SPAG9: variants seen among roughly 807,000 people sequenced by gnomAD.
SPAG9 encodes sperm associated antigen 9, also known as C-Jun-amino-terminal kinase-interacting protein 4.
In SPAG9, 35 loss-of-function variants were observed where a neutral mutation model predicts 166.5. The observed-to-expected ratio is 0.21, with a 90% CI of 0.16 to 0.28. The LOEUF (loss-of-function observed/expected upper bound fraction) is 0.28. Ranked by LOEUF, SPAG9 falls within the 10% of genes least tolerant of loss-of-function variation. The pLI is 1.00. For missense variants in SPAG9, 1,235 were observed against 1,603.3 expected (o/e 0.77, Z 3.92); for synonymous variants, 534 against 565.5 (o/e 0.94, Z 0.79).
chr17:51,118,986 A>T (rs1031476656), intron 1 of SPAG9, among the ~76,000 whole-genome samples: 4 of 149,060 alleles, frequency 2.7e-5, no homozygotes, highest in Admixed American at 1.4e-4. Flanking sequence ...GTGAGCCAAG[A>T]TCACTCCACT....
rs1482584117 is a variant in SPAG9, at chr17:51,000,496, G to A, written c.1608-779C>T. On this transcript the variant is annotated intron_variant, in intron 13 of 29. Transcript: ENST00000262013. Reference sequence around the variant, plus strand: ...CACCTGTAATCCCAGCACTTTGGGAGGCCGAGGCGGGCGGATCACTTGAGG... The same window carrying A: ...CACCTGTAATCCCAGCACTTTGGGAAGCCGAGGCGGGCGGATCACTTGAGG... Among the ~76,000 whole-genome samples, 2 of 152,158 alleles carry A rather than the reference G, an allele frequency of 1.3e-5. 1 individual carries two copies. The highest frequency in any genetic ancestry group is 3.8e-4 in the East Asian group (2 of 5,196).
At chr17:50,970,183 T>C (rs1973673024) in intron 29 of SPAG9, among the ~76,000 whole-genome samples, 1 of 152,202 alleles carries the variant, frequency 6.6e-6, no homozygotes, top group South Asian at 2.1e-4. Flanking sequence ...CATCCTGCTA[T>C]TTCTAATGCT....
chr17:51,029,378 C>A (rs2046304765), intron 6 of SPAG9, among the ~76,000 whole-genome samples: 1 of 152,118 alleles, frequency 6.6e-6, no homozygotes. Context: ...TAAAATGATG[C>A]AACCACTCTG....
intron 20 of SPAG9, chr17:50,990,134 TCTC>T: frequency 1.9e-6 from 1 of 531,518 alleles, no homozygotes; most frequent in South Asian, 2.1e-5. Flanking sequence ...TTCACGCCAT[TCTC>T]CTGCCTCAGC....
Position 50,979,759 on chromosome 17 carries a change from T to C in SPAG9, c.3396A>G (p.Val1132=). 6.2e-7 allele frequency: 1 copy of C among 1,609,014 alleles called. No individual in the cohort carries two copies. Among genetic ancestry groups the C allele is most frequent in the Non-Finnish European group, 8.5e-7 (1 of 1,175,722 alleles). Residue 1132 remains valine, a synonymous_variant, in exon 26 of 30, where the codon GTA becomes GTG. Coordinates refer to ENST00000262013, the MANE Select transcript of SPAG9 (RefSeq NM_001130528.3). ...TTGGAAGCTTACCTAACATTTTGCTTACATAAGGCTCAATGTCCACATCCT... is the reference window on the plus strand; with the variant it reads ...TTGGAAGCTTACCTAACATTTTGCTCACATAAGGCTCAATGTCCACATCCT... The part of the protein sequence containing the change: ...HLQDVDIEPY[V]SKMLGTGKLG...
chr17:51,086,219 A>C (rs1372166698), intron 1 of SPAG9, among the ~76,000 whole-genome samples: 1 of 151,860 alleles, frequency 6.6e-6, no homozygotes, highest in African/African-American at 2.4e-5. Flanking sequence ...ACCTCAGGTG[A>C]TCTGCCTGCG....
At chr17:50,975,695 G>T (rs1402039613) in intron 27 of SPAG9, among the ~76,000 whole-genome samples, 1 of 151,778 alleles carries the variant, frequency 6.6e-6, no homozygotes, top group Non-Finnish European at 1.5e-5. Flanking sequence ...CAGTTTGGTG[G>T]CCATGTAACA....
At chr17:51,016,705 G>A (rs997734083) in intron 8 of SPAG9, among the ~76,000 whole-genome samples, 1 of 152,210 alleles carries the variant, frequency 6.6e-6, no homozygotes, top group African/African-American at 2.4e-5. Flanking sequence ...GGGAGTTTGA[G>A]ACCAGCCTGA....
intron 6 of SPAG9, among the ~76,000 whole-genome samples, chr17:51,027,893 A>G (rs968365289): frequency 6.6e-6 from 1 of 152,290 alleles, no homozygotes; most frequent in Non-Finnish European, 1.5e-5. Flanking sequence ...ACTCTAGAAG[A>G]AGGCACTGTC....
At chr17:51,107,744 T>TAA (rs35218447) in intron 1 of SPAG9, among the ~76,000 whole-genome samples, 4 of 138,276 alleles carry the variant, frequency 2.9e-5, no homozygotes, top group African/African-American at 1.1e-4. Flanking sequence ...AAAAAAAGGT[T>TAA]AAAAAAAAAA....
At chr17:51,047,655 A>G (rs2047064519) in intron 3 of SPAG9, among the ~76,000 whole-genome samples, 186 bp from the exon 4 acceptor site, 1 of 151,866 alleles carries the variant, frequency 6.6e-6, no homozygotes, top group South Asian at 2.1e-4. Flanking sequence ...GCTTACATTT[A>G]AGGATGCTGG....
At chr17:51,107,100 C>CAA (rs527593488) in intron 1 of SPAG9, among the ~76,000 whole-genome samples, 25 of 87,852 alleles carry the variant, frequency 2.8e-4, no homozygotes, top group African/African-American at 7.1e-4. Context: ...TGCTCCATCT[C>CAA]AAAAAAAAAA....
At chr17:51,096,363 A>AG (rs1555659920) in intron 1 of SPAG9, among the ~76,000 whole-genome samples, 4 of 151,898 alleles carry the variant, frequency 2.6e-5, no homozygotes, top group African/African-American at 9.7e-5. Context: ...AAAAACAAAA[A>AG]AAAGAAAGAA....
intron 27 of SPAG9, chr17:50,976,867 G>A (rs1247935944): frequency 1.6e-5 from 6 of 365,288 alleles, no homozygotes; most frequent in African/African-American, 4.3e-5. Context: ...AGATGAAATA[G>A]GACTGTGATT....
chr17:50,999,871 G>A (rs1309798382), intron 13 of SPAG9, among the ~76,000 whole-genome samples, 154 bp from the exon 14 acceptor site: 1 of 152,164 alleles, frequency 6.6e-6, no homozygotes, highest in East Asian at 1.9e-4. Flanking sequence ...CCTACCATGT[G>A]TCAGTCAATC....
chr17:51,046,889 A>T, intron 4 of SPAG9: 1 of 1,517,014 alleles, frequency 6.6e-7, no homozygotes, highest in Non-Finnish European at 8.8e-7. Context: ...AGCAACCCCA[A>T]GCGACAGCCA....
chr17:51,057,082 T>C (rs1483267299), intron 2 of SPAG9, among the ~76,000 whole-genome samples: 1 of 151,892 alleles, frequency 6.6e-6, no homozygotes, highest in South Asian at 2.1e-4. Context: ...AAAGAATAAC[T>C]GATAGCAAAG....
At chr17:51,115,767 T>C (rs934070313) in intron 1 of SPAG9, among the ~76,000 whole-genome samples, 5 of 151,754 alleles carry the variant, frequency 3.3e-5, no homozygotes, top group East Asian at 1.9e-4. Flanking sequence ...GAGGCGAAGG[T>C]TGCAGTGAGC....
rs1365726247 is a variant in SPAG9 at position 51,077,029 on chromosome 17, TCTATCTAG to T, written c.424+2547_424+2554del. On this transcript the variant is annotated intron_variant, in intron 2 of 29. Coordinates refer to ENST00000262013, the MANE Select transcript of SPAG9 (RefSeq NM_001130528.3). ...AGCTAGCTAGCTAGCTATCTAGCTATCTATCTAGCTATCTAGCTATCTAGCTAGCTATC... is the reference window on the plus strand; with the variant it reads ...AGCTAGCTAGCTAGCTATCTAGCTATCTATCTAGCTATCTAGCTAGCTATC... Among the ~76,000 whole-genome samples, 475 of 65,258 alleles carry T rather than the reference TCTATCTAG, an allele frequency of 7.3e-3. 6 individuals carry two copies. The highest frequency in any genetic ancestry group is 0.024 in the South Asian group (58 of 2,392). 42.8% of individuals were successfully genotyped at this position (65,258 alleles called of 152,430 possible).
Sources: allele counts gnomAD v4.1 joint callset (sites outside exome capture counted in the v4.1 genomes callset), GRCh38; gene constraint gnomAD v4.1.1; transcripts MANE v1.5; gene names NCBI Gene and HGNC (gene_info 2026-07-23, HGNC 2026-07-21).